Variants in CADPS observed in about 807,000 individuals in gnomAD.
The protein encoded by CADPS is calcium dependent secretion activator.
A neutral mutation model predicts 167.3 loss-of-function variants in CADPS; 57 were observed. The ratio of observed to expected loss-of-function variants is 0.34; its 90% CI spans 0.28 to 0.42. The LOEUF (loss-of-function observed/expected upper bound fraction) is 0.42, where lower values mean the gene tolerates loss of function less well. Among genes scored for constraint, CADPS ranks in the 20% least tolerant of loss-of-function variants. The probability of loss-of-function intolerance (pLI) is 1.00; values close to 1 mark genes in which losing one functional copy is unlikely to be tolerated. For missense variants in CADPS, 1,414 were observed against 1,738.1 expected (o/e 0.81, Z 3.32); for synonymous variants, 676 against 635.3 (o/e 1.06, Z -0.96).
chr3:62,442,118 ATT>A (rs1216683633), intron 27 of CADPS, among the ~76,000 whole-genome samples: 6 of 143,416 alleles, frequency 4.2e-5, no homozygotes, highest in Admixed American at 1.4e-4. Flanking sequence ...CAAACCAGAA[ATT>A]TTTTTTTTTT....
intron 3 of CADPS, among the ~76,000 whole-genome samples, chr3:62,719,100 C>T (rs1465131081): frequency 6.6e-6 from 1 of 152,168 alleles, no homozygotes; most frequent in African/African-American, 2.4e-5. Flanking sequence ...AGCTGAGTCC[C>T]TCAAAGGCTT....
At chr3:62,437,647 A>G (rs540697286) in intron 28 of CADPS, among the ~76,000 whole-genome samples, 10 of 152,280 alleles carry the variant, frequency 6.6e-5, no homozygotes, top group African/African-American at 2.4e-4. Context: ...TTATCTTTGA[A>G]GTGATAACGA....
chr3:62,666,542 T>C (rs2074441304), intron 3 of CADPS, among the ~76,000 whole-genome samples: 1 of 152,102 alleles, frequency 6.6e-6, no homozygotes, highest in African/African-American at 2.4e-5. Flanking sequence ...ATCATTAGGG[T>C]TCAAAAATGT....
intron 28 of CADPS, among the ~76,000 whole-genome samples, chr3:62,428,036 A>T (rs1019822624): frequency 5.9e-5 from 9 of 152,192 alleles, no homozygotes; most frequent in African/African-American, 2.2e-4. Flanking sequence ...TGCCAAAGGC[A>T]GTCAAGGCAG....
In CADPS at chr3:62,522,649, A is replaced by T. The variant is rs141308596; in HGVS notation, c.2292-4399T>A. ...CTTATATTGAACTCGATATAAGTTC[A>T]TAAAGCACATATCTCTTCCTTCACA... On this transcript the variant is annotated intron_variant, in intron 13 of 29. Coordinates refer to ENST00000383710, the MANE Select transcript of CADPS (RefSeq NM_003716.4). Among the ~76,000 whole-genome samples, 690 of 152,354 alleles carry T rather than the reference A, an allele frequency of 4.5e-3. 7 individuals are homozygous for T. The highest frequency in any genetic ancestry group is 0.016 in the African/African-American group (655 of 41,580).
rs572841348 is a variant in CADPS, at chr3:62,525,546, C to A, written c.2292-7296G>T. Among the ~76,000 whole-genome samples, 6 of 152,190 alleles carry A rather than the reference C, an allele frequency of 3.9e-5. No homozygotes were observed. The East Asian group carries it at 1.2e-3, about 29-fold the overall frequency. The stretch of plus-strand genomic sequence containing the variant: ...CAAGAATGTGGAGGTGTTTTTTATA[C>A]CGCATCAGTGCCTGCCTGCTATATA... On this transcript the variant is annotated intron_variant, in intron 13 of 29. Coordinates refer to ENST00000383710, the MANE Select transcript of CADPS (RefSeq NM_003716.4).
At chr3:62,425,698 A>C (rs2052509958) in intron 28 of CADPS, among the ~76,000 whole-genome samples, 1 of 152,224 alleles carries the variant, frequency 6.6e-6, no homozygotes, top group African/African-American at 2.4e-5. Flanking sequence ...AGTCATCATA[A>C]CTGGGTTGAA....
intron 13 of CADPS, among the ~76,000 whole-genome samples, chr3:62,518,793 G>A (rs2069646470): frequency 1.3e-5 from 2 of 152,076 alleles, no homozygotes; most frequent in African/African-American, 4.8e-5. Context: ...TGAAAATCAG[G>A]TGACTTGTAA....
At chr3:62,675,438 T>C (rs571739819) in intron 3 of CADPS, among the ~76,000 whole-genome samples, 2 of 152,134 alleles carry the variant, frequency 1.3e-5, no homozygotes, top group Admixed American at 1.3e-4. Context: ...AATTTAAACT[T>C]AGCTTGAGTT....
rs141805972 is a variant in CADPS at position 62,743,157 on chromosome 3, G to C, written c.888+10284C>G. Among the ~76,000 whole-genome samples the C allele has an allele frequency of 8.2e-3, 1,250 of 152,192 alleles. 7 individuals carry two copies. Among genetic ancestry groups the C allele is most frequent in the Non-Finnish European group, 0.011 (769 of 67,958 alleles). The stretch of plus-strand genomic sequence containing the variant: ...GGAAAGGCTGTTAAGAAAAAGGAAT[G>C]CTTTTGGGTGGAAAAGGTAACATCT... On this transcript the variant is annotated intron_variant, in intron 3 of 29. Coordinates refer to ENST00000383710, the MANE Select transcript of CADPS (RefSeq NM_003716.4).
intron 3 of CADPS, among the ~76,000 whole-genome samples, chr3:62,708,251 G>A (rs374528711): frequency 2.0e-5 from 3 of 150,196 alleles, no homozygotes; most frequent in Admixed American, 6.6e-5. Flanking sequence ...AAAGTGGAGA[G>A]AAAAAAAAGC....
intron 6 of CADPS, among the ~76,000 whole-genome samples, chr3:62,599,595 TTA>T (rs1284528470): frequency 4.5e-5 from 4 of 88,218 alleles, no homozygotes; most frequent in Non-Finnish European, 6.2e-5. Flanking sequence ...TATAAATATA[TTA>T]TATATTTATT....
At chr3:62,850,701 G>A (rs1352158429) in intron 1 of CADPS, among the ~76,000 whole-genome samples, 1 of 151,788 alleles carries the variant, frequency 6.6e-6, no homozygotes, top group African/African-American at 2.4e-5. Context: ...CAACTATGTG[G>A]TCAATTTTGG....
intron 1 of CADPS, among the ~76,000 whole-genome samples, chr3:62,863,121 T>C (rs2081106145): frequency 6.6e-6 from 1 of 152,182 alleles, no homozygotes; most frequent in African/African-American, 2.4e-5. Context: ...GTCAGACACC[T>C]GGGGAGACTA....
At position 62,518,140 on chromosome 3, in the gene CADPS, G is replaced by T. The variant is rs150021889; in HGVS notation, c.2393+9C>A. Reference sequence around the variant, plus strand: ...TCCTAATTAAAGCTCTCCAGCCCCAGATCCTTACCTAAAATGTGTAATCTG... The same window carrying T: ...TCCTAATTAAAGCTCTCCAGCCCCATATCCTTACCTAAAATGTGTAATCTG... On this transcript the variant is annotated intron_variant, in intron 14 of 29. Coordinates refer to ENST00000383710, the MANE Select transcript of CADPS (RefSeq NM_003716.4). The T allele has an allele frequency of 4.2e-4, 671 of 1,596,888 alleles. 12 individuals carry two copies. In the East Asian group the frequency reaches 0.015, roughly 35 times the overall value.
At chr3:62,419,756 G>A (rs192293650) in intron 28 of CADPS, among the ~76,000 whole-genome samples, 2 of 152,132 alleles carry the variant, frequency 1.3e-5, no homozygotes, top group African/African-American at 4.8e-5. Context: ...GTAAGCAACT[G>A]AATAAGAAAT....
chr3:62,422,950 G>T (rs1019965923), intron 28 of CADPS, among the ~76,000 whole-genome samples: 2 of 152,176 alleles, frequency 1.3e-5, no homozygotes, highest in African/African-American at 4.8e-5. Context: ...GGGATGTAAT[G>T]CTATTGTGTT....
intron 6 of CADPS, among the ~76,000 whole-genome samples, chr3:62,615,444 C>G (rs948470452): frequency 1.3e-5 from 2 of 152,186 alleles, no homozygotes; most frequent in Non-Finnish European, 2.9e-5. Flanking sequence ...TACTCTGAAT[C>G]AGCGACTGTG....
intron 24 of CADPS, among the ~76,000 whole-genome samples, chr3:62,467,831 A>G (rs147284235): frequency 8.5e-5 from 13 of 152,276 alleles, no homozygotes; most frequent in African/African-American, 2.9e-4. Flanking sequence ...CTTCAGACTC[A>G]TAAGTCTCTG....
Sources: gnomAD v4.1 joint callset for allele counts (sites outside exome capture counted in the v4.1 genomes callset) on GRCh38, gnomAD v4.1.1 for gene constraint, MANE v1.5 for transcripts, NCBI Gene and HGNC (gene_info 2026-07-23, HGNC 2026-07-21) for gene names.